Variants in TBC1D19 observed in about 807,000 individuals in gnomAD.
The protein encoded by TBC1D19 is TBC1 domain family member 19.
TBC1D19 carries 60 observed loss-of-function variants against 89.0 expected under a neutral mutation model. The observed-to-expected ratio is 0.67, with a 90% CI of 0.55 to 0.84. The LOEUF (loss-of-function observed/expected upper bound fraction) is 0.84, where lower values mean the gene tolerates loss of function less well. Among genes scored for constraint, TBC1D19 ranks in the 40% least tolerant of loss-of-function variants. TBC1D19 has a pLI of 0.00. For synonymous variants in TBC1D19, 189 were observed against 199.7 expected (o/e 0.95, Z 0.45); for missense variants, 500 against 610.8 (o/e 0.82, Z 1.91).
chr4:26,591,444 T>A (rs1739800951), intron 1 of TBC1D19, among the ~76,000 whole-genome samples: 1 of 151,920 alleles, frequency 6.6e-6, no homozygotes, highest in Non-Finnish European at 1.5e-5. Flanking sequence ...GAAACCCAAT[T>A]CCCCTTGAGA....
the TBC1D19 span, among the ~76,000 whole-genome samples, chr4:26,803,105 G>A: frequency 6.6e-6 from 1 of 152,298 alleles, no homozygotes; most frequent in African/African-American, 2.4e-5. Context: ...ATGAATTTGA[G>A]GGGAACGCAT....
the TBC1D19 span, among the ~76,000 whole-genome samples, chr4:26,804,492 G>T: frequency 6.6e-6 from 1 of 152,242 alleles, no homozygotes; most frequent in African/African-American, 2.4e-5. Flanking sequence ...TGGTGACCGT[G>T]GGCCTGAAGT....
the TBC1D19 span, among the ~76,000 whole-genome samples, chr4:26,805,412 C>T: frequency 2.1e-3 from 317 of 152,272 alleles, no homozygotes; most frequent in African/African-American, 7.2e-3. Context: ...CGTCCTCATC[C>T]GGATTCAGTC....
At position 26,740,726 on chromosome 4, in the gene TBC1D19, T is replaced by C. The variant is rs924569406; in HGVS notation, c.1227+753T>C. ...GACCTGCTGTGGGTAACATGACTGCTACTCCAGGTGAAACATTCAATTGGA... is the reference window on the plus strand; with the variant it reads ...GACCTGCTGTGGGTAACATGACTGCCACTCCAGGTGAAACATTCAATTGGA... On this transcript the variant is annotated intron_variant, in intron 17 of 20. Transcript: ENST00000264866. 20 of 985,284 alleles carry C rather than the reference T, an allele frequency of 2.0e-5. No homozygotes were observed. In the South Asian group the frequency reaches 7.5e-4, roughly 37 times the overall value. The allele number at this position is 985,284 out of a possible 1,614,324, so 61.0% of individuals were successfully genotyped here. A position where few individuals can be genotyped will look rare whatever the true frequency, so the allele number is the denominator to read the frequency against.
intron 7 of TBC1D19, among the ~76,000 whole-genome samples, chr4:26,653,445 G>A (rs552491423): frequency 1.3e-5 from 2 of 152,192 alleles, no homozygotes; most frequent in Admixed American, 1.3e-4. Context: ...GTTCTGTCTG[G>A]TTGATCTGTC....
chr4:26,599,070 G>T (rs1740428355), intron 1 of TBC1D19, among the ~76,000 whole-genome samples: 1 of 152,062 alleles, frequency 6.6e-6, no homozygotes, highest in East Asian at 1.9e-4. Context: ...TTATATATAT[G>T]TATATTTGTA....
At chr4:26,692,372 G>A (rs971481100) in intron 13 of TBC1D19, among the ~76,000 whole-genome samples, 12 of 152,228 alleles carry the variant, frequency 7.9e-5, no homozygotes, top group South Asian at 2.1e-4. Flanking sequence ...GGGCCTCAAC[G>A]GCTTTCACCT....
At chr4:26,586,540 A>G (rs1739430145) in intron 1 of TBC1D19, among the ~76,000 whole-genome samples, 2 of 152,040 alleles carry the variant, frequency 1.3e-5, no homozygotes, top group South Asian at 4.1e-4. Context: ...GAATCTGTAG[A>G]TCAATTTGGG....
chr4:26,792,559 T>A, the TBC1D19 span, among the ~76,000 whole-genome samples: 1 of 152,244 alleles, frequency 6.6e-6, no homozygotes, highest in African/African-American at 2.4e-5. Flanking sequence ...AAAGTATATC[T>A]TAATTGTATA....
chr4:26,819,336 T>C, the TBC1D19 span, among the ~76,000 whole-genome samples: 1 of 152,190 alleles, frequency 6.6e-6, no homozygotes, highest in Non-Finnish European at 1.5e-5. Context: ...TCTGCCAGTG[T>C]TCCTGTGCTC....
At chr4:26,851,319 A>ATCTATCTATCTG in the TBC1D19 span, among the ~76,000 whole-genome samples, 4 of 147,510 alleles carry the variant, frequency 2.7e-5, no homozygotes, top group South Asian at 8.5e-4. Flanking sequence ...CTATCTATCT[A>ATCTATCTATCTG]TCTATCTATC....
At chr4:26,622,681 A>G (rs1158048723) in intron 4 of TBC1D19, among the ~76,000 whole-genome samples, 2 of 152,224 alleles carry the variant, frequency 1.3e-5, no homozygotes, top group African/African-American at 4.8e-5. Flanking sequence ...ATCTTGTGAC[A>G]CATGAAAACT....
the TBC1D19 span, among the ~76,000 whole-genome samples, chr4:26,807,471 C>G: frequency 6.6e-6 from 1 of 152,218 alleles, no homozygotes; most frequent in Non-Finnish European, 1.5e-5. Flanking sequence ...CTCACTTCCT[C>G]TCCCAAATGG....
the TBC1D19 span, among the ~76,000 whole-genome samples, chr4:26,848,534 T>C: frequency 6.6e-6 from 1 of 152,220 alleles, no homozygotes; most frequent in Admixed American, 6.5e-5. Flanking sequence ...ACCATTTTCA[T>C]AGAACAGGAA....
Position 26,672,305 on chromosome 4 carries a change from G to A in TBC1D19, c.703+118G>A, listed in dbSNP as rs372279659. 80 of 798,494 alleles carry A rather than the reference G, an allele frequency of 1.0e-4. 1 individual carries two copies. The East Asian group carries it at 1.5e-3, about 15-fold the overall frequency. The allele number at this position is 798,494 out of a possible 1,614,324, so 49.5% of individuals were successfully genotyped here. ...CTCTGAAAAGTGAAAAACCTAAAGAGGGGTAATATTTAACCATGTAGATTA... is the reference window on the plus strand; with the variant it reads ...CTCTGAAAAGTGAAAAACCTAAAGAAGGGTAATATTTAACCATGTAGATTA... On this transcript the variant is annotated intron_variant, in intron 10 of 20. Coordinates refer to ENST00000264866, the MANE Select transcript of TBC1D19 (RefSeq NM_018317.4).
upstream of TBC1D19, among the ~76,000 whole-genome samples, chr4:26,580,582 C>T (rs1459815789): frequency 2.6e-5 from 4 of 152,214 alleles, no homozygotes; most frequent in Admixed American, 2.6e-4. Flanking sequence ...AGGCCTGTGA[C>T]ATGTGTGATA....
intron 9 of TBC1D19, among the ~76,000 whole-genome samples, chr4:26,669,352 T>G (rs908033129): frequency 6.6e-6 from 1 of 151,814 alleles, no homozygotes; most frequent in Non-Finnish European, 1.5e-5. Flanking sequence ...GTTACTATCT[T>G]ATAAAGACTA....
chr4:26,718,373 C>T (rs921658381), intron 14 of TBC1D19, among the ~76,000 whole-genome samples: 11 of 151,938 alleles, frequency 7.2e-5, no homozygotes, highest in South Asian at 2.1e-4. Flanking sequence ...TCTCTCAAAA[C>T]GCTCCACCAC....
chr4:26,795,332 C>T, the TBC1D19 span, among the ~76,000 whole-genome samples: 2 of 152,172 alleles, frequency 1.3e-5, no homozygotes, highest in Non-Finnish European at 2.9e-5. Context: ...TGGCATCCCC[C>T]TACTCCAACT....
Sources: gnomAD v4.1 joint callset for allele counts (sites outside exome capture counted in the v4.1 genomes callset) on GRCh38, gnomAD v4.1.1 for gene constraint, MANE v1.5 for transcripts, NCBI Gene and HGNC (gene_info 2026-07-23, HGNC 2026-07-21) for gene names.